LIN28A: variants seen among roughly 807,000 people sequenced by gnomAD.
LIN28A encodes the protein protein lin-28 homolog A.
In LIN28A, 11 loss-of-function variants were observed where a neutral mutation model predicts 21.1. The ratio of observed to expected loss-of-function variants is 0.52; its 90% CI spans 0.33 to 0.86. The LOEUF (loss-of-function observed/expected upper bound fraction) is 0.86, where lower values mean the gene tolerates loss of function less well. Among genes scored for constraint, LIN28A ranks in the 40% least tolerant of loss-of-function variants. LIN28A has a pLI of 0.03. For synonymous variants in LIN28A, 111 were observed against 108.7 expected (o/e 1.02, Z -0.13); for missense variants, 219 against 279.8 (o/e 0.78, Z 1.55).
chr1:26,412,617 G>A (rs2074967735), intron 2 of LIN28A, among the ~76,000 whole-genome samples: 1 of 152,138 alleles, frequency 6.6e-6, no homozygotes, highest in South Asian at 2.1e-4. Flanking sequence ...CCCAGATCGT[G>A]TAGGTTGACA....
Position 26,411,648 on chromosome 1 carries a change from T to A in LIN28A, c.228+66T>A. 1 of 1,522,684 alleles carries A rather than the reference T, an allele frequency of 6.6e-7. No individual in the cohort carries two copies. 94.3% of individuals were successfully genotyped at this position (1,522,684 alleles called of 1,614,324 possible). The stretch of plus-strand genomic sequence containing the variant: ...TAGGCGCCCATATCCACGGGTGGGC[T>A]CCGGGCTCGCAGTTGAATTGAGGGC... On this transcript the variant is annotated intron_variant, in intron 2 of 3. Coordinates refer to ENST00000326279, the MANE Select transcript of LIN28A (RefSeq NM_024674.6). The surrounding 1 kb of genome is among the most constrained non-coding windows in gnomAD (Gnocchi z 5.4).
chr1:26,414,794 G>A (rs11247954), intron 2 of LIN28A, among the ~76,000 whole-genome samples: 14,589 of 152,182 alleles, frequency 0.096, 1,598 homozygotes, highest in East Asian at 0.61. Flanking sequence ...CCCACTAGAA[G>A]CCAGTTGCAT....
At chr1:26,413,462 T>C (rs2074973268) in intron 2 of LIN28A, among the ~76,000 whole-genome samples, 2 of 152,190 alleles carry the variant, frequency 1.3e-5, no homozygotes, top group Admixed American at 1.3e-4. Flanking sequence ...TGGGAAACTA[T>C]TGGATGGCAT....
intron 2 of LIN28A, among the ~76,000 whole-genome samples, chr1:26,414,126 T>C (rs956583561): frequency 1.3e-5 from 2 of 152,144 alleles, no homozygotes; most frequent in African/African-American, 4.8e-5. Context: ...ACCACTCTTC[T>C]GCATTTGTGA....
intron 2 of LIN28A, among the ~76,000 whole-genome samples, chr1:26,418,002 T>A (rs2075003645): frequency 6.6e-6 from 1 of 151,422 alleles, no homozygotes; most frequent in African/African-American, 2.4e-5. Flanking sequence ...TCCTTTGTGT[T>A]GTTTTTTTTT....
intron 2 of LIN28A, among the ~76,000 whole-genome samples, chr1:26,412,302 G>T (rs1289886603): frequency 6.6e-6 from 1 of 152,114 alleles, no homozygotes; most frequent in Non-Finnish European, 1.5e-5. Flanking sequence ...ACAGTAGGGG[G>T]TGAAATTCAG....
rs2075068340 is a variant in LIN28A, at chr1:26,427,765, G to A, written c.*1307G>A. The A allele has an allele frequency of 6.6e-6, 1 of 152,256 alleles. No individual in the cohort carries two copies. Among genetic ancestry groups the A allele is most frequent in the South Asian group, 2.1e-4 (1 of 4,826 alleles). 9.4% of individuals were successfully genotyped at this position (152,256 alleles called of 1,614,324 possible). On this transcript the variant is annotated 3_prime_UTR_variant, in exon 4 of 4. Coordinates refer to ENST00000326279, the MANE Select transcript of LIN28A (RefSeq NM_024674.6). ...CTGTACTTAATCCTGTGCTGTCGAG[G>A]GATGGATATATGAAGTAAGGTGAGA... is the stretch of plus-strand genomic sequence containing the variant.
intron 2 of LIN28A, among the ~76,000 whole-genome samples, chr1:26,424,962 C>T (rs894463263): frequency 1.3e-5 from 2 of 152,084 alleles, no homozygotes; most frequent in South Asian, 2.1e-4. Flanking sequence ...AAGCTGGTCT[C>T]GAACTCCTGA....
In LIN28A at chr1:26,411,049, C is replaced by T; in HGVS notation, c.31+127C>T. The T allele has an allele frequency of 5.7e-6, 7 of 1,230,494 alleles. No individual in the cohort carries two copies. The highest frequency in any genetic ancestry group is 7.8e-6 in the Non-Finnish European group (7 of 896,324). 76.2% of individuals were successfully genotyped at this position (1,230,494 alleles called of 1,614,324 possible). ...CCCAAGACGGTGCGGCCTTCTGCTT[C>T]ATAGGGCCGTCTCTGGGGCCAGGAA... On this transcript the variant is annotated intron_variant, in intron 1 of 3. Coordinates refer to ENST00000326279, the MANE Select transcript of LIN28A (RefSeq NM_024674.6). The surrounding 1 kb of genome is among the most constrained non-coding windows in gnomAD (Gnocchi z 5.4).
chr1:26,426,466 T>C lies in LIN28A; in HGVS notation c.*8T>C, dbSNP rs1433544722. On this transcript the variant is annotated 3_prime_UTR_variant, in exon 4 of 4. Coordinates refer to ENST00000326279, the MANE Select transcript of LIN28A (RefSeq NM_024674.6). ...CCGGAGGCACAGAATTGAGCCACAA[T>C]GGGTGGGGGCTATTCTTTTGCTATC... 2 of 1,607,824 alleles carry C rather than the reference T, an allele frequency of 1.2e-6. No individual in the cohort carries two copies. The highest frequency in any genetic ancestry group is 2.2e-5 in the East Asian group (1 of 44,852).
In LIN28A at chr1:26,429,120, C is replaced by T. The variant is rs1238321846; in HGVS notation, c.*2662C>T. 2.4e-4 allele frequency: 38 copies of T among 159,586 alleles called. No homozygotes were observed. The highest frequency in any genetic ancestry group is 2.6e-4 in the Non-Finnish European group (19 of 74,192). The allele number at this position is 159,586 out of a possible 1,614,324, so 9.9% of individuals were successfully genotyped here. On this transcript the variant is annotated 3_prime_UTR_variant, in exon 4 of 4. Coordinates refer to ENST00000326279, the MANE Select transcript of LIN28A (RefSeq NM_024674.6). ...GGCAGAGGTTGCAGTGAGCTGAGAT[C>T]GCACCACTGCACTCCAGCCTGGTTA...
rs2075070449 is a variant in LIN28A, at chr1:26,428,063, TTGTC to T, written c.*1608_*1611del. On this transcript the variant is annotated 3_prime_UTR_variant, in exon 4 of 4. Coordinates refer to ENST00000326279, the MANE Select transcript of LIN28A (RefSeq NM_024674.6). ...AATGCTGCCCCCCAAGTTACTGTAT[TTGTC>T]TGGGCTTTGTAGGACTTCACTACGT... is the stretch of plus-strand genomic sequence containing the variant. 1 of 152,806 alleles carries T rather than the reference TTGTC, an allele frequency of 6.5e-6. No homozygotes were observed. Among genetic ancestry groups the T allele is most frequent in the East Asian group, 1.9e-4 (1 of 5,182 alleles). The allele number at this position is 152,806 out of a possible 1,614,324, so 9.5% of individuals were successfully genotyped here.
At chr1:26,414,163 T>C (rs1395470204) in intron 2 of LIN28A, among the ~76,000 whole-genome samples, 4 of 151,578 alleles carry the variant, frequency 2.6e-5, no homozygotes. Flanking sequence ...CTGGAAATCT[T>C]ATGGTAAAGG....
chr1:26,416,046 G>T (rs2074991215), intron 2 of LIN28A, among the ~76,000 whole-genome samples: 1 of 152,136 alleles, frequency 6.6e-6, no homozygotes, highest in Non-Finnish European at 1.5e-5. Flanking sequence ...AGGCTGGAGT[G>T]CAGTGGCACG....
intron 2 of LIN28A, among the ~76,000 whole-genome samples, chr1:26,415,199 G>A (rs1043926121): frequency 1.3e-5 from 2 of 152,178 alleles, no homozygotes; most frequent in South Asian, 2.1e-4. Flanking sequence ...GACCAAGTTG[G>A]GTTAGGAGAA....
rs1225200308 is a variant in LIN28A, at chr1:26,427,682, GGT to G, written c.*1235_*1236del. 2.0e-5 allele frequency: 3 copies of G among 152,102 alleles called. No individual in the cohort carries two copies. The highest frequency in any genetic ancestry group is 4.4e-5 in the Non-Finnish European group (3 of 68,040). The allele number at this position is 152,102 out of a possible 1,614,324, so 9.4% of individuals were successfully genotyped here. ...AGGTTAGGCCTACCATGTGCCACAG[GGT>G]GTGTGTGTGTTTGTAAAACTAGAGT... On this transcript the variant is annotated 3_prime_UTR_variant, in exon 4 of 4. Coordinates refer to ENST00000326279, the MANE Select transcript of LIN28A (RefSeq NM_024674.6).
At chr1:26,423,025 T>G (rs2124300447) in intron 2 of LIN28A, among the ~76,000 whole-genome samples, 1 of 151,962 alleles carries the variant, frequency 6.6e-6, no homozygotes, top group South Asian at 2.1e-4. Context: ...CTCCGCCTCA[T>G]GGGCTCAAGT....
In LIN28A at chr1:26,418,486, C is replaced by A. The variant is rs537939334; in HGVS notation, c.229-6817C>A. On this transcript the variant is annotated intron_variant, in intron 2 of 3. Coordinates refer to ENST00000326279, the MANE Select transcript of LIN28A (RefSeq NM_024674.6). ...GCGTGAACCCGGGAGGCGGAGCTTGCAGTGAGCCGAGATTGTGCCACTGCA... is the reference window on the plus strand; with the variant it reads ...GCGTGAACCCGGGAGGCGGAGCTTGAAGTGAGCCGAGATTGTGCCACTGCA... 9.2e-4 allele frequency among the ~76,000 whole-genome samples: 139 copies of A among 151,338 alleles called. No homozygotes were observed. In the Middle Eastern group the frequency reaches 0.014, roughly 15 times the overall value.
intron 3 of LIN28A, 104 bp from the exon 4 acceptor site, chr1:26,426,138 G>A (rs1296683051): frequency 7.0e-6 from 6 of 860,768 alleles, no homozygotes; most frequent in Non-Finnish European, 1.1e-5. Flanking sequence ...GGGAAGGGAA[G>A]TAAGTGACAA....
Sources: allele counts gnomAD v4.1 joint callset (sites outside exome capture counted in the v4.1 genomes callset), GRCh38; gene constraint gnomAD v4.1.1; non-coding constraint Gnocchi (gnomAD v3.1); transcripts MANE v1.5; gene names NCBI Gene and HGNC (gene_info 2026-07-23, HGNC 2026-07-21).